CFAP52: variants seen among roughly 807,000 people sequenced by gnomAD.
CFAP52 encodes the protein cilia- and flagella-associated protein 52.
Under a neutral mutation model 70.5 loss-of-function variants are expected in CFAP52, and 57 were observed. The ratio of observed to expected loss-of-function variants is 0.81; its 90% CI spans 0.65 to 1.01. CFAP52 has a LOEUF of 1.01. Ranked by LOEUF, CFAP52 falls within the 50% of genes least tolerant of loss-of-function variation. The pLI, the probability that CFAP52 is intolerant of heterozygous loss-of-function variation, is 0.00. For missense variants in CFAP52, 785 were observed against 788.5 expected, an observed-to-expected ratio of 1.00 and a Z score of 0.05; for synonymous variants, 267 against 292.5, an observed-to-expected ratio of 0.91 and a Z score of 0.89.
intron 1 of CFAP52, among the ~76,000 whole-genome samples, chr17:9,578,514 CT>C (rs1232997667): frequency 6.6e-6 from 1 of 152,160 alleles, no homozygotes; most frequent in Non-Finnish European, 1.5e-5. Flanking sequence ...GCTTGTTTAG[CT>C]GCCAGAGAAA....
chr17:9,608,608 T>C (rs957516767), intron 7 of CFAP52, among the ~76,000 whole-genome samples: 1 of 152,228 alleles, frequency 6.6e-6, no homozygotes, highest in African/African-American at 2.4e-5. Context: ...GTACCTATTA[T>C]GTGCAAAGCA....
intron 8 of CFAP52, among the ~76,000 whole-genome samples, chr17:9,616,133 T>C (rs1043245295): frequency 6.7e-6 from 1 of 149,450 alleles, no homozygotes; most frequent in African/African-American, 2.5e-5. Flanking sequence ...CGCAGGCCAG[T>C]GTGTGCGCGC....
At chr17:9,614,810 A>G (rs1459153699) in intron 8 of CFAP52, among the ~76,000 whole-genome samples, 1 of 152,150 alleles carries the variant, frequency 6.6e-6, no homozygotes, top group Non-Finnish European at 1.5e-5. Context: ...AATTATGACG[A>G]CCAAAAAATG....
intron 6 of CFAP52, among the ~76,000 whole-genome samples, chr17:9,607,436 AC>A (rs1909535128): frequency 1.3e-5 from 2 of 152,210 alleles, no homozygotes; most frequent in South Asian, 2.1e-4. Context: ...CTATAAAACA[AC>A]CATCATACAT....
At chr17:9,579,084 G>A (rs1401676039) in intron 1 of CFAP52, among the ~76,000 whole-genome samples, 1 of 152,130 alleles carries the variant, frequency 6.6e-6, no homozygotes, top group African/African-American at 2.4e-5. Context: ...TCAGTCAGTG[G>A]CTGGGGTGGG....
intron 1 of CFAP52, chr17:9,584,077 A>G (rs979369184): frequency 4.0e-6 from 2 of 505,474 alleles, no homozygotes; most frequent in Admixed American, 1.1e-4. Context: ...CAGTTAGTCA[A>G]TATGTTGGGG....
intron 3 of CFAP52, among the ~76,000 whole-genome samples, chr17:9,593,036 A>G (rs543096704): frequency 3.3e-5 from 5 of 152,296 alleles, no homozygotes; most frequent in Admixed American, 6.5e-5. Flanking sequence ...CTACCTCCCT[A>G]TTCCTGGTGA....
chr17:9,642,537 T>C (rs917744323), intron 13 of CFAP52, among the ~76,000 whole-genome samples: 1 of 152,176 alleles, frequency 6.6e-6, no homozygotes, highest in Non-Finnish European at 1.5e-5. Flanking sequence ...GACAGGAGAA[T>C]TGCTTGAGCC....
At chr17:9,584,979 C>T (rs918149608) in intron 1 of CFAP52, among the ~76,000 whole-genome samples, 2 of 152,102 alleles carry the variant, frequency 1.3e-5, no homozygotes, top group Non-Finnish European at 2.9e-5. Context: ...TTTGTAAAGA[C>T]ATGGATTAAC....
At chr17:9,638,498 T>G in intron 11 of CFAP52, 111 bp from the exon 12 acceptor site, 1 of 913,008 alleles carries the variant, frequency 1.1e-6, no homozygotes, top group Non-Finnish European at 1.7e-6. Context: ...ATGTTTGGCA[T>G]GGAGATAAAC....
rs1910913703 is a variant in CFAP52 at position 9,638,619 on chromosome 17, A to G, written c.1483A>G (p.Arg495Gly). 1.2e-6 allele frequency: 2 copies of G among 1,614,108 alleles called. No individual in the cohort carries two copies. Among genetic ancestry groups the G allele is most frequent in the East Asian group, 4.5e-5 (2 of 44,874 alleles). ...GAATCTACTTTCCAGGCGTCTCAGG[A>G]GGAATCAGATGATACTAGCCAACAC... ...CIIWDLVRLRRNQMILANTLF... is the reference protein window; with the variant it reads ...CIIWDLVRLRGNQMILANTLF... The change falls in exon 12 of 14, where the codon AGG becomes GGG. Residue 495 changes from arginine to glycine, a missense_variant. Physicochemically the swap from Arg to Gly is moderately radical, Grantham distance 125. Coordinates refer to ENST00000352665, the MANE Select transcript of CFAP52 (RefSeq NM_145054.5).
intron 4 of CFAP52, among the ~76,000 whole-genome samples, chr17:9,595,454 C>T (rs532796650): frequency 6.6e-6 from 1 of 151,184 alleles, no homozygotes; most frequent in Non-Finnish European, 1.5e-5. Flanking sequence ...ACCAGCCCTA[C>T]CAAGCAACCT....
chr17:9,616,238 G>A (rs1333380102), intron 8 of CFAP52, among the ~76,000 whole-genome samples: 3 of 149,086 alleles, frequency 2.0e-5, no homozygotes, highest in East Asian at 2.0e-4. Flanking sequence ...AAGGGGTGAC[G>A]GACGCACCTG....
At chr17:9,607,637 G>T (rs1044764461) in intron 6 of CFAP52, among the ~76,000 whole-genome samples, 2 of 152,234 alleles carry the variant, frequency 1.3e-5, no homozygotes, top group South Asian at 2.1e-4. Flanking sequence ...GCATTTGTAA[G>T]AATTAAGTTC....
At position 9,628,674 on chromosome 17, in the gene CFAP52, G is replaced by T; in HGVS notation, c.1028G>T (p.Gly343Val). The T allele has an allele frequency of 6.2e-7, 1 of 1,613,042 alleles. No homozygotes were observed. Among genetic ancestry groups the T allele is most frequent in the Non-Finnish European group, 8.5e-7 (1 of 1,179,178 alleles). The change falls in exon 9 of 14, where the codon GGC becomes GTC. Residue 343 changes from glycine to valine, a missense_variant and splice_region_variant. Transcript: ENST00000352665. ...DAVEDIVFPF[G>V]TAELFATCAK... ...ATCTCTTGATGGCTTCCTTGCAGTG[G>T]CACTGCTGAGCTATTTGCAACCTGT...
At chr17:9,580,273 C>A (rs927171640) in intron 1 of CFAP52, among the ~76,000 whole-genome samples, 2 of 145,300 alleles carry the variant, frequency 1.4e-5, no homozygotes, top group Non-Finnish European at 3.0e-5. Flanking sequence ...CTCAAGAGAC[C>A]ATATTGCCCA....
intron 6 of CFAP52, among the ~76,000 whole-genome samples, chr17:9,607,108 G>A (rs1909520667): frequency 6.6e-6 from 1 of 152,212 alleles, no homozygotes; most frequent in South Asian, 2.1e-4. Context: ...CACTTTGGGA[G>A]GCTGAGGCAG....
chr17:9,585,388 G>A (rs1226503492), intron 1 of CFAP52, among the ~76,000 whole-genome samples: 2 of 152,092 alleles, frequency 1.3e-5, no homozygotes, highest in East Asian at 1.9e-4. Flanking sequence ...TAAAGTGTTG[G>A]CCGGGCGCGG....
In CFAP52 at chr17:9,598,248, T is replaced by C. The variant is rs1219545228; in HGVS notation, c.551T>C (p.Val184Ala). Reference protein sequence around the residue: ...FMTAGNGTIRVWELDLPNRKI... With the variant: ...FMTAGNGTIRAWELDLPNRKI... ...TTTTTACATAGTGGGACAATTCGAG[T>C]ATGGGAATTGGATCTTCCAAATAGA... Residue 184 changes from valine to alanine, a missense_variant, in exon 5 of 14, where the codon GTA becomes GCA. Val to Ala is a moderately conservative substitution (Grantham distance 64). Transcript: ENST00000352665. 1 of 1,610,712 alleles carries C rather than the reference T, an allele frequency of 6.2e-7. No homozygotes were observed. The highest frequency in any genetic ancestry group is 8.5e-7 in the Non-Finnish European group (1 of 1,179,346).
Sources: allele counts gnomAD v4.1 joint callset (sites outside exome capture counted in the v4.1 genomes callset), GRCh38; gene constraint gnomAD v4.1.1; transcripts MANE v1.5; gene names NCBI Gene and HGNC (gene_info 2026-07-23, HGNC 2026-07-21).